The following ARHGAP40 variants were observed in gnomAD, a reference collection of about 807,000 sequenced individuals.
The protein encoded by ARHGAP40 is Rho GTPase activating protein 40, also known as rho GTPase-activating protein 40.
ARHGAP40 carries 43 observed loss-of-function variants against 73.5 expected under a neutral mutation model. The observed-to-expected ratio is 0.58, with a 90% CI of 0.46 to 0.75. The LOEUF (loss-of-function observed/expected upper bound fraction) is 0.75. Ranked by LOEUF, ARHGAP40 falls within the 30% of genes least tolerant of loss-of-function variation. ARHGAP40 has a pLI of 0.00. For missense variants in ARHGAP40, 734 were observed against 861.8 expected (o/e 0.85, Z 1.86); for synonymous variants, 300 against 352.8 (o/e 0.85, Z 1.68).
At chr20:38,608,819 C>T (rs907436248) in intron 1 of ARHGAP40, among the ~76,000 whole-genome samples, 6 of 152,178 alleles carry the variant, frequency 3.9e-5, no homozygotes, top group Middle Eastern at 3.4e-3. Flanking sequence ...ATCAAGGTGT[C>T]GGTAGGACTG....
At position 38,646,017 on chromosome 20, in the gene ARHGAP40, C is replaced by G. The variant is rs764498314; in HGVS notation, c.1570-30C>G. On this transcript the variant is annotated intron_variant, in intron 11 of 14. Coordinates refer to ENST00000373345, the Ensembl canonical transcript of ARHGAP40. This position sits in a 1 kb window ranked among gnomAD's most constrained non-coding sequence, Gnocchi z 4.5. ...CCTCTCGCCCCCAGAAGTCCTATCC[C>G]CCTGCCAAAACTTGATCCTTTCTGG... 2 of 1,284,156 alleles carry G rather than the reference C, an allele frequency of 1.6e-6. No individual in the cohort carries two copies. The highest frequency in any genetic ancestry group is 1.3e-5 in the South Asian group (1 of 78,706). The allele number at this position is 1,284,156 out of a possible 1,614,324, so 79.5% of individuals were successfully genotyped here.
intron 9 of ARHGAP40, 139 bp downstream of exon 9, chr20:38,639,525 AG>A: frequency 9.6e-7 from 1 of 1,040,750 alleles, no homozygotes; most frequent in South Asian, 1.5e-5. Context: ...TGATGGGGGA[AG>A]AAGCAAGTGT....
exon 10 of ARHGAP40, chr20:38,641,775 C>T (rs781720847): frequency 1.5e-6 from 2 of 1,296,700 alleles, no homozygotes; most frequent in African/African-American, 1.5e-5. Context: ...TGCTCATCCT[C>T]ATCCTCCCAG....
intron 1 of ARHGAP40, among the ~76,000 whole-genome samples, chr20:38,602,487 C>G (rs2088741203): frequency 6.6e-6 from 1 of 152,264 alleles, no homozygotes. Context: ...GTGTGGTCAC[C>G]TCGGCTGAGA....
At chr20:38,641,945 A>C in intron 10 of ARHGAP40, 137 bp downstream of exon 10, 2 of 594,942 alleles carry the variant, frequency 3.4e-6, no homozygotes, top group Non-Finnish European at 4.9e-6. Flanking sequence ...ACCCACACAA[A>C]CCTCTCTTGA....
At chr20:38,617,329 A>G (rs1235798534) in intron 1 of ARHGAP40, among the ~76,000 whole-genome samples, 1 of 152,210 alleles carries the variant, frequency 6.6e-6, no homozygotes, top group East Asian at 1.9e-4. Context: ...GGGTTTCTGC[A>G]GCCCTGCCCT....
chr20:38,633,612 G>A (rs1444851017), intron 5 of ARHGAP40, among the ~76,000 whole-genome samples: 3 of 152,186 alleles, frequency 2.0e-5, no homozygotes, highest in African/African-American at 7.2e-5. Context: ...TGACTCCATA[G>A]CCCATGCCGC....
At chr20:38,645,657 GGAATCCCC>G (rs1488485692) in intron 11 of ARHGAP40, among the ~76,000 whole-genome samples, 2 of 152,110 alleles carry the variant, frequency 1.3e-5, no homozygotes, top group Non-Finnish European at 2.9e-5. Flanking sequence ...GGTCTCTGTA[GGAATCCCC>G]CAGTGTGGGC....
chr20:38,629,093 G>A (rs1435363684), intron 4 of ARHGAP40, 91 bp downstream of exon 4: 1 of 1,044,926 alleles, frequency 9.6e-7, no homozygotes, highest in Non-Finnish European at 1.3e-6. Flanking sequence ...ACACCTCCCA[G>A]CATTTCCTGC....
At chr20:38,623,553 C>T (rs1284018230) in exon 2 of ARHGAP40, 5 of 1,288,872 alleles carry the variant, frequency 3.9e-6, no homozygotes, top group Admixed American at 4.6e-5. Context: ...GGCCAGCTTC[C>T]AGAGGGTGAG....
At chr20:38,629,441 A>C in intron 4 of ARHGAP40, 61 bp from the exon 5 acceptor site, 1 of 1,298,858 alleles carries the variant, frequency 7.7e-7, no homozygotes, top group Middle Eastern at 2.1e-4. Flanking sequence ...GAACCCAAGC[A>C]CTTGCTTCCT....
chr20:38,632,520 C>G (rs2088947597), intron 5 of ARHGAP40, among the ~76,000 whole-genome samples: 1 of 152,042 alleles, frequency 6.6e-6, no homozygotes, highest in African/African-American at 2.4e-5. Flanking sequence ...CTCGGCCTCC[C>G]AAAGTGCTGG....
chr20:38,638,325 A>G (rs552149988), intron 7 of ARHGAP40, among the ~76,000 whole-genome samples: 2 of 152,226 alleles, frequency 1.3e-5, no homozygotes, highest in African/African-American at 4.8e-5. Context: ...AAAATACATA[A>G]GTAAATAAAT....
intron 14 of ARHGAP40, 95 bp downstream of exon 14, chr20:38,648,793 T>C: frequency 9.8e-7 from 1 of 1,021,008 alleles, no homozygotes; most frequent in South Asian, 1.4e-5. Flanking sequence ...GAGGCCAGAG[T>C]AGGCCTGCAG....
intron 6 of ARHGAP40, 55 bp downstream of exon 6, chr20:38,634,840 G>T: frequency 8.3e-7 from 1 of 1,199,856 alleles, no homozygotes. Context: ...ATAGGGAGCT[G>T]AACACGGACT....
At chr20:38,608,046 AT>A (rs11477859) in intron 1 of ARHGAP40, among the ~76,000 whole-genome samples, 6,803 of 152,210 alleles carry the variant, frequency 0.045, 178 homozygotes, top group African/African-American at 0.069. Flanking sequence ...GTCCTATGAC[AT>A]TTTTTATAGT....
chr20:38,607,402 C>T (rs536962045), intron 1 of ARHGAP40, among the ~76,000 whole-genome samples: 4 of 152,294 alleles, frequency 2.6e-5, no homozygotes, highest in East Asian at 1.9e-4. Context: ...ACCAGGCTGC[C>T]GCTGGGGGCT....
chr20:38,603,451 A>ATCTATCTATCTG (rs1555889757), intron 1 of ARHGAP40, among the ~76,000 whole-genome samples: 13,397 of 150,048 alleles, frequency 0.089, 704 homozygotes, highest in Admixed American at 0.11. Flanking sequence ...CTATCTATCT[A>ATCTATCTATCTG]TCTATCTATC....
chr20:38,640,126 T>TC (rs1480655788), intron 9 of ARHGAP40, among the ~76,000 whole-genome samples: 26 of 79,504 alleles, frequency 3.3e-4, no homozygotes, highest in African/African-American at 2.5e-3. Flanking sequence ...CTCTTCTTCC[T>TC]CTTCTTTCTT....
Sources: allele counts gnomAD v4.1 joint callset (sites outside exome capture counted in the v4.1 genomes callset), GRCh38; gene constraint gnomAD v4.1.1; non-coding constraint Gnocchi (gnomAD v3.1); transcripts MANE v1.5; gene names NCBI Gene and HGNC (gene_info 2026-07-23, HGNC 2026-07-21).